Variants in NRG2 observed in about 807,000 individuals in gnomAD.
NRG2 encodes pro-neuregulin-2, membrane-bound isoform.
Under a neutral mutation model 73.9 loss-of-function variants are expected in NRG2, and 27 were observed. That is an observed-to-expected ratio of 0.37 (90% CI 0.27 to 0.50). The LOEUF (loss-of-function observed/expected upper bound fraction) is 0.50. NRG2 is among the 20% of genes least tolerant of loss of function. The probability of loss-of-function intolerance (pLI) is 0.96; values close to 1 mark genes in which losing one functional copy is unlikely to be tolerated. For synonymous variants in NRG2, 532 were observed against 541.0 expected, an observed-to-expected ratio of 0.98 and a Z score of 0.23; for missense variants, 1,126 against 1,210.1, an observed-to-expected ratio of 0.93 and a Z score of 1.03.
At chr5:139,941,043 A>G (rs1753358178) in intron 1 of NRG2, among the ~76,000 whole-genome samples, 2 of 152,204 alleles carry the variant, frequency 1.3e-5, no homozygotes, top group African/African-American at 4.8e-5. Flanking sequence ...AGAGAATAGC[A>G]TATACAAAGA....
intron 1 of NRG2, among the ~76,000 whole-genome samples, chr5:139,889,580 T>C (rs1764080522): frequency 6.6e-6 from 1 of 152,218 alleles, no homozygotes; most frequent in Non-Finnish European, 1.5e-5. Flanking sequence ...GGTTGCATAA[T>C]GTTCCTGTAT....
chr5:139,948,259 A>G (rs1753943958), intron 1 of NRG2, among the ~76,000 whole-genome samples: 1 of 152,150 alleles, frequency 6.6e-6, no homozygotes, highest in South Asian at 2.1e-4. Flanking sequence ...TGAGACGAAT[A>G]CTCTTCGTAG....
rs1761638783 is a variant in NRG2 at position 139,853,869 on chromosome 5, G to A, written c.1293-842C>T. Among the ~76,000 whole-genome samples, 1 of 152,140 alleles carries A rather than the reference G, an allele frequency of 6.6e-6. No homozygotes were observed. The highest frequency in any genetic ancestry group is 1.5e-5 in the Non-Finnish European group (1 of 68,030). ...CCTAGTATTCAATAGCATATGGGGT[G>A]ACTATAGTCAATAATAATTTAATTA... is the stretch of plus-strand genomic sequence containing the variant. On this transcript the variant is annotated intron_variant, in intron 6 of 9. Transcript: ENST00000361474. The surrounding 1 kb of genome is among the most constrained non-coding windows in gnomAD (Gnocchi z 4.1).
At chr5:139,943,404 T>C (rs899664409) in intron 1 of NRG2, among the ~76,000 whole-genome samples, 2 of 152,170 alleles carry the variant, frequency 1.3e-5, no homozygotes, top group African/African-American at 2.4e-5. Flanking sequence ...TGCCTCAGCC[T>C]CCCACAGTGC....
At chr5:140,012,858 C>G (rs1759473515) in intron 1 of NRG2, among the ~76,000 whole-genome samples, 1 of 152,172 alleles carries the variant, frequency 6.6e-6, no homozygotes, top group Non-Finnish European at 1.5e-5. Context: ...CTAGTCAAAT[C>G]CAACCCAGTA....
intron 1 of NRG2, among the ~76,000 whole-genome samples, chr5:139,968,363 A>AC (rs1190863681): frequency 7.2e-5 from 11 of 152,324 alleles, no homozygotes; most frequent in Middle Eastern, 6.8e-3. Context: ...GAAGGCCAGA[A>AC]CCCGGAGCCT....
rs1236905303 is a variant in NRG2 at position 139,870,623 on chromosome 5, T to C, written c.1112+1098A>G. ...ATCCCCATCAATGTTTTGGTGGCCT[T>C]TGCCCAGATGCCATGGGAATGGGGC... is the stretch of plus-strand genomic sequence containing the variant. On this transcript the variant is annotated intron_variant, in intron 4 of 9. Coordinates refer to ENST00000361474, the MANE Select transcript of NRG2 (RefSeq NM_004883.3). This position sits in a 1 kb window ranked among gnomAD's most constrained non-coding sequence, Gnocchi z 4.4. Among the ~76,000 whole-genome samples the C allele has an allele frequency of 2.0e-5, 3 of 152,178 alleles. No homozygotes were observed. Among genetic ancestry groups the C allele is most frequent in the African/African-American group, 4.8e-5 (2 of 41,430 alleles).
intron 1 of NRG2, among the ~76,000 whole-genome samples, chr5:140,010,067 G>T (rs989941931): frequency 1.3e-5 from 2 of 152,138 alleles, no homozygotes; most frequent in African/African-American, 4.8e-5. Flanking sequence ...AGAGGCCAAG[G>T]TGGGTGGATC....
In NRG2 at chr5:139,869,216, TC is replaced by T. The variant is rs1278592305; in HGVS notation, c.1112+2504del. ...ACGGAGTGTGCCTGCTTTCCAACAC[TC>T]CCTGCAGGGCTCTGAACCAATACAC... is the stretch of plus-strand genomic sequence containing the variant. On this transcript the variant is annotated intron_variant, in intron 4 of 9. Coordinates refer to ENST00000361474, the MANE Select transcript of NRG2 (RefSeq NM_004883.3). The surrounding 1 kb of genome is among the most constrained non-coding windows in gnomAD (Gnocchi z 4.5). Among the ~76,000 whole-genome samples, 1 of 151,506 alleles carries T rather than the reference TC, an allele frequency of 6.6e-6. No individual in the cohort carries two copies. Among genetic ancestry groups the T allele is most frequent in the Admixed American group, 6.6e-5 (1 of 15,236 alleles).
chr5:139,876,375 TG>T (rs1763175520), intron 3 of NRG2, among the ~76,000 whole-genome samples: 1 of 152,166 alleles, frequency 6.6e-6, no homozygotes, highest in South Asian at 2.1e-4. Context: ...GGTTTCTTTT[TG>T]GGGTGACAAA....
intron 1 of NRG2, among the ~76,000 whole-genome samples, chr5:139,920,581 A>T (rs1751584411): frequency 6.6e-6 from 1 of 152,174 alleles, no homozygotes. Flanking sequence ...AGTAGGGATT[A>T]CACCTTCCAG....
intron 1 of NRG2, among the ~76,000 whole-genome samples, chr5:139,985,339 CAAAA>C (rs1310701827): frequency 1.2e-5 from 1 of 82,300 alleles, no homozygotes. Context: ...GACTCGGTCT[CAAAA>C]AAAAAAAAAA....
intron 2 of NRG2, among the ~76,000 whole-genome samples, chr5:139,884,401 C>T (rs988096776): frequency 2.0e-5 from 3 of 152,162 alleles, no homozygotes; most frequent in Non-Finnish European, 4.4e-5. Context: ...GAAAGACCAG[C>T]GGCCGAGAGT....
At position 139,848,458 on chromosome 5, in the gene NRG2, T is replaced by C; in HGVS notation, c.2012A>G (p.Gln671Arg). The C allele has an allele frequency of 1.5e-6, 2 of 1,335,000 alleles. No homozygotes were observed. The highest frequency in any genetic ancestry group is 1.9e-6 in the Non-Finnish European group (2 of 1,056,080). 82.7% of individuals were successfully genotyped at this position (1,335,000 alleles called of 1,614,324 possible). A position where few individuals can be genotyped will look rare whatever the true frequency, so the allele number is the denominator to read the frequency against. Residue 671 changes from glutamine to arginine, a missense_variant, in exon 10 of 10, where the codon CAG (glutamine) becomes CGG (arginine). Coordinates refer to ENST00000361474, the MANE Select transcript of NRG2 (RefSeq NM_004883.3). ...GPGPGPGADMQRSYDSYYYPA... is the reference protein window; with the variant it reads ...GPGPGPGADMRRSYDSYYYPA... Reference sequence around the variant, plus strand: ...GTAATAGTAGCTGTCATAGCTGCGCTGCATGTCTGCGCCGGGCCCGGGCCC... The same window carrying C: ...GTAATAGTAGCTGTCATAGCTGCGCCGCATGTCTGCGCCGGGCCCGGGCCC...
At chr5:139,859,079 A>G (rs927670070) in intron 5 of NRG2, among the ~76,000 whole-genome samples, 2 of 152,142 alleles carry the variant, frequency 1.3e-5, no homozygotes, top group African/African-American at 4.8e-5. Context: ...ATGCCTGGAC[A>G]CTTGAGCTAT....
At chr5:139,905,076 C>G (rs866068015) in intron 1 of NRG2, among the ~76,000 whole-genome samples, 29 of 152,306 alleles carry the variant, frequency 1.9e-4, no homozygotes, top group Middle Eastern at 6.8e-3. Flanking sequence ...GGGCTGCACT[C>G]TGCAGGGAAC....
At chr5:139,959,250 A>G (rs1241987281) in intron 1 of NRG2, among the ~76,000 whole-genome samples, 1 of 152,170 alleles carries the variant, frequency 6.6e-6, no homozygotes, top group Non-Finnish European at 1.5e-5. Flanking sequence ...CCCAGGCTGG[A>G]GTGCAATGGC....
chr5:139,977,030 A>G (rs1756426590), intron 1 of NRG2, among the ~76,000 whole-genome samples: 1 of 152,238 alleles, frequency 6.6e-6, no homozygotes, highest in Non-Finnish European at 1.5e-5. Context: ...AATTAATCAA[A>G]TGAATGGATC....
chr5:139,883,352 G>T lies in NRG2; in HGVS notation c.873-2378C>A, dbSNP rs535929046. On this transcript the variant is annotated intron_variant, in intron 2 of 9. Transcript: ENST00000361474. ...CCCCCGCCCCCTGCCTGCTCAAGGG[G>T]CCTGTTCCAGCCTGCCCCTCATAAA... 1.5e-4 allele frequency among the ~76,000 whole-genome samples: 23 copies of T among 151,682 alleles called. 1 individual carries two copies. The highest frequency in any genetic ancestry group is 1.4e-3 in the Admixed American group (21 of 15,258).
Sources: gnomAD v4.1 joint callset for allele counts (sites outside exome capture counted in the v4.1 genomes callset) on GRCh38, gnomAD v4.1.1 for gene constraint, Gnocchi (gnomAD v3.1) non-coding constraint, MANE v1.5 for transcripts, NCBI Gene and HGNC (gene_info 2026-07-23, HGNC 2026-07-21) for gene names.